The following RSRC1 variants were observed in gnomAD, a reference collection of about 807,000 sequenced individuals.
RSRC1 encodes the protein serine/Arginine-related protein 53.
RSRC1 carries 39 observed loss-of-function variants against 49.1 expected under a neutral mutation model. That is an observed-to-expected ratio of 0.79 (90% CI 0.61 to 1.04). The LOEUF is 1.04. RSRC1 is among the 50% of genes least tolerant of loss of function. RSRC1 has a pLI of 0.00. For synonymous variants in RSRC1, 143 were observed against 130.8 expected, an observed-to-expected ratio of 1.09 and a Z score of -0.63; for missense variants, 388 against 402.4, an observed-to-expected ratio of 0.96 and a Z score of 0.31.
At chr3:158,148,309 TCTC>T (rs1223405049) in intron 3 of RSRC1, among the ~76,000 whole-genome samples, 4 of 152,084 alleles carry the variant, frequency 2.6e-5, no homozygotes, top group Non-Finnish European at 4.4e-5. Flanking sequence ...ATTTGATCAT[TCTC>T]CTCATAAAAT....
intron 7 of RSRC1, among the ~76,000 whole-genome samples, chr3:158,510,027 A>G (rs1197967012): frequency 6.6e-6 from 1 of 152,186 alleles, no homozygotes; most frequent in Non-Finnish European, 1.5e-5. Context: ...AAAGTGATTG[A>G]TGCCAGTCTT....
At chr3:158,370,509 G>C (rs1416052650) in intron 6 of RSRC1, among the ~76,000 whole-genome samples, 2 of 151,896 alleles carry the variant, frequency 1.3e-5, no homozygotes, top group Non-Finnish European at 2.9e-5. Flanking sequence ...GAATCATATA[G>C]TATGTAGTGT....
At chr3:158,365,769 G>A (rs1256988373) in intron 6 of RSRC1, among the ~76,000 whole-genome samples, 1 of 152,134 alleles carries the variant, frequency 6.6e-6, no homozygotes, top group African/African-American at 2.4e-5. Flanking sequence ...CACCAACATT[G>A]TAAAAGCATT....
At chr3:158,217,419 C>G (rs1267746183) in intron 4 of RSRC1, among the ~76,000 whole-genome samples, 2 of 151,636 alleles carry the variant, frequency 1.3e-5, no homozygotes, top group Non-Finnish European at 2.9e-5. Flanking sequence ...AACGGTCTCT[C>G]AAGTCCTTTT....
intron 5 of RSRC1, chr3:158,336,502 G>C (rs1729898780): frequency 6.3e-6 from 1 of 159,484 alleles, no homozygotes; most frequent in Non-Finnish European, 1.4e-5. Flanking sequence ...TGAAGCATCT[G>C]TAGGTCCCTG....
chr3:158,219,931 T>C (rs952719882), intron 4 of RSRC1, among the ~76,000 whole-genome samples: 1 of 151,606 alleles, frequency 6.6e-6, no homozygotes, highest in Non-Finnish European at 1.5e-5. Flanking sequence ...GGTTTCCTCA[T>C]GAAATGAGGA....
At chr3:158,208,891 A>C (rs1018518203) in intron 4 of RSRC1, among the ~76,000 whole-genome samples, 21 of 152,262 alleles carry the variant, frequency 1.4e-4, no homozygotes, top group Admixed American at 1.3e-3. Flanking sequence ...TCTTCTGTGG[A>C]TTAACATATT....
At chr3:158,524,231 T>C (rs1031032525) in intron 7 of RSRC1, among the ~76,000 whole-genome samples, 2 of 152,078 alleles carry the variant, frequency 1.3e-5, no homozygotes, top group African/African-American at 2.4e-5. Flanking sequence ...ACCAATTGAA[T>C]TGTGGTTTAG....
At chr3:158,164,784 G>A (rs932227707) in intron 3 of RSRC1, among the ~76,000 whole-genome samples, 1 of 152,006 alleles carries the variant, frequency 6.6e-6, no homozygotes, top group Non-Finnish European at 1.5e-5. Context: ...ATCTTGTCTT[G>A]TTTTCTAATT....
chr3:158,363,411 G>A (rs560291015), intron 6 of RSRC1, among the ~76,000 whole-genome samples: 9 of 151,828 alleles, frequency 5.9e-5, no homozygotes, highest in South Asian at 2.1e-4. Context: ...TCACAGGTGC[G>A]CACCACCACA....
intron 3 of RSRC1, among the ~76,000 whole-genome samples, chr3:158,149,840 C>A (rs187565148): frequency 4.6e-5 from 7 of 152,252 alleles, no homozygotes; most frequent in Admixed American, 4.6e-4. Flanking sequence ...ATTGTTCTGG[C>A]AACCTCAAGG....
At chr3:158,353,123 A>C (rs1408606547) in intron 5 of RSRC1, among the ~76,000 whole-genome samples, 4 of 152,080 alleles carry the variant, frequency 2.6e-5, no homozygotes, top group Non-Finnish European at 4.4e-5. Flanking sequence ...ATATTTCTCA[A>C]ATCTGTGTTG....
chr3:158,456,559 G>A (rs1159251054), intron 6 of RSRC1, among the ~76,000 whole-genome samples: 1 of 152,024 alleles, frequency 6.6e-6, no homozygotes, highest in Non-Finnish European at 1.5e-5. Context: ...CCATAAAGAG[G>A]GTATTAAAGT....
intron 6 of RSRC1, among the ~76,000 whole-genome samples, chr3:158,370,550 T>A (rs1480292993): frequency 1.3e-5 from 2 of 151,966 alleles, no homozygotes; most frequent in African/African-American, 4.8e-5. Context: ...CTTGGTGTAA[T>A]GCTTTTTGGA....
At chr3:158,511,152 A>T (rs1284736981) in intron 7 of RSRC1, among the ~76,000 whole-genome samples, 1 of 151,970 alleles carries the variant, frequency 6.6e-6, no homozygotes, top group Non-Finnish European at 1.5e-5. Flanking sequence ...CATGTGCACA[A>T]TGTGCAGGTT....
intron 4 of RSRC1, among the ~76,000 whole-genome samples, chr3:158,290,111 T>C (rs1726836227): frequency 6.6e-6 from 1 of 152,218 alleles, no homozygotes; most frequent in South Asian, 2.1e-4. Flanking sequence ...ATTATTAGGC[T>C]GTTGTATTGA....
chr3:158,416,263 T>C (rs1734731181), intron 6 of RSRC1, among the ~76,000 whole-genome samples: 1 of 152,060 alleles, frequency 6.6e-6, no homozygotes, highest in Non-Finnish European at 1.5e-5. Flanking sequence ...AGTTTGAAAC[T>C]ATGTCCCCAA....
chr3:158,233,815 T>A, intron 4 of RSRC1, among the ~76,000 whole-genome samples: 1 of 152,198 alleles, frequency 6.6e-6, no homozygotes, highest in Non-Finnish European at 1.5e-5. Flanking sequence ...TCTTAAGCAG[T>A]CTGCAGTTAC....
chr3:158,344,641 T>G (rs1267784474), intron 5 of RSRC1, among the ~76,000 whole-genome samples: 1 of 152,090 alleles, frequency 6.6e-6, no homozygotes, highest in Non-Finnish European at 1.5e-5. Flanking sequence ...TTAGGGAAAA[T>G]GACACCAGAT....
Sources: gnomAD v4.1 joint callset for allele counts (sites outside exome capture counted in the v4.1 genomes callset) on GRCh38, gnomAD v4.1.1 for gene constraint, MANE v1.5 for transcripts, NCBI Gene and HGNC (gene_info 2026-07-23, HGNC 2026-07-21) for gene names.